PIK3AP1: variants seen among roughly 807,000 people sequenced by gnomAD.
PIK3AP1 encodes phosphoinositide 3-kinase adapter protein 1.
In PIK3AP1, 21 loss-of-function variants were observed where a neutral mutation model predicts 88.1. That is an observed-to-expected ratio of 0.24 (90% CI 0.17 to 0.34). PIK3AP1 has a LOEUF of 0.34. PIK3AP1 is among the 10% of genes least tolerant of loss of function. The pLI, the probability that PIK3AP1 is intolerant of heterozygous loss-of-function variation, is 1.00. For missense variants in PIK3AP1, 828 were observed against 1,035.7 expected, an observed-to-expected ratio of 0.80 and a Z score of 2.75; for synonymous variants, 398 against 400.0, an observed-to-expected ratio of 1.00 and a Z score of 0.06.
At chr10:96,603,708 ACAC>A (rs1222128971) in intron 15 of PIK3AP1, 160 of 217,298 alleles carry the variant, frequency 7.4e-4, no homozygotes, top group East Asian at 5.3e-3. Flanking sequence ...ACACACACAC[ACAC>A]CACATATATA....
chr10:96,632,384 C>A (rs1054080384), intron 8 of PIK3AP1, among the ~76,000 whole-genome samples: 3 of 151,166 alleles, frequency 2.0e-5, no homozygotes, highest in Non-Finnish European at 4.4e-5. Flanking sequence ...TGCAACTTTT[C>A]TCTCTAAAAG....
At chr10:96,705,012 C>T (rs755933868) in intron 2 of PIK3AP1, among the ~76,000 whole-genome samples, 8 of 152,074 alleles carry the variant, frequency 5.3e-5, no homozygotes, top group Non-Finnish European at 1.2e-4. Context: ...TTTAAATGGG[C>T]TTAGTGAATA....
chr10:96,697,827 G>T (rs1464484397), intron 2 of PIK3AP1, among the ~76,000 whole-genome samples: 1 of 152,086 alleles, frequency 6.6e-6, no homozygotes, highest in African/African-American at 2.4e-5. Context: ...CCACCCAAAG[G>T]TAACCACTAT....
At chr10:96,655,035 T>C (rs1361362782) in intron 3 of PIK3AP1, among the ~76,000 whole-genome samples, 1 of 152,154 alleles carries the variant, frequency 6.6e-6, no homozygotes, top group African/African-American at 2.4e-5. Flanking sequence ...GAAACACAGA[T>C]TTTTATGCCT....
At chr10:96,699,582 G>C (rs1288652255) in intron 2 of PIK3AP1, among the ~76,000 whole-genome samples, 1 of 152,174 alleles carries the variant, frequency 6.6e-6, no homozygotes, top group Non-Finnish European at 1.5e-5. Context: ...CATCACAGCA[G>C]TGACTGTCTT....
chr10:96,628,873 CACAT>C (rs1343064720), intron 8 of PIK3AP1, among the ~76,000 whole-genome samples: 2 of 22,554 alleles, frequency 8.9e-5, no homozygotes, highest in Non-Finnish European at 2.0e-4. Context: ...CACATATATA[CACAT>C]ATATATATAT....
intron 1 of PIK3AP1, among the ~76,000 whole-genome samples, chr10:96,715,191 A>G (rs555890500): frequency 1.3e-5 from 2 of 152,318 alleles, no homozygotes; most frequent in South Asian, 4.1e-4. Context: ...CCCTGGTCTA[A>G]TTATGGGAAA....
chr10:96,593,426 C>T lies in PIK3AP1; in HGVS notation c.*2151G>A, dbSNP rs1400748807. Reference sequence around the variant, plus strand: ...GATGTGCATACAAAGATGCTAACAACATTGGCTGGTAATAGGCTTTACCAT... The same window carrying T: ...GATGTGCATACAAAGATGCTAACAATATTGGCTGGTAATAGGCTTTACCAT... On this transcript the variant is annotated 3_prime_UTR_variant, in exon 17 of 17. Coordinates refer to ENST00000339364, the MANE Select transcript of PIK3AP1 (RefSeq NM_152309.3). 2 of 152,214 alleles carry T rather than the reference C, an allele frequency of 1.3e-5. No homozygotes were observed. The highest frequency in any genetic ancestry group is 4.8e-5 in the African/African-American group (2 of 41,450). 9.4% of individuals were successfully genotyped at this position (152,214 alleles called of 1,614,324 possible).
At chr10:96,706,637 A>G (rs1190456850) in intron 2 of PIK3AP1, among the ~76,000 whole-genome samples, 1 of 152,238 alleles carries the variant, frequency 6.6e-6, no homozygotes, top group Non-Finnish European at 1.5e-5. Context: ...AGGAAACTGG[A>G]ACTCAAAGAG....
At chr10:96,719,346 C>T (rs1329204707) in intron 1 of PIK3AP1, among the ~76,000 whole-genome samples, 1 of 152,190 alleles carries the variant, frequency 6.6e-6, no homozygotes, top group South Asian at 2.1e-4. Flanking sequence ...GTGCCTTCTC[C>T]TGGCCACCTA....
intron 8 of PIK3AP1, among the ~76,000 whole-genome samples, chr10:96,634,348 T>C (rs1843285884): frequency 6.6e-6 from 1 of 152,162 alleles, no homozygotes; most frequent in African/African-American, 2.4e-5. Context: ...ACAGACTGCA[T>C]GCAGGGAACA....
Position 96,594,501 on chromosome 10 carries a change from A to G in PIK3AP1, c.*1076T>C, listed in dbSNP as rs1052857462. 6.6e-5 allele frequency: 10 copies of G among 152,304 alleles called. 2 individuals carry two copies. Among genetic ancestry groups the G allele is most frequent in the Middle Eastern group, 3.4e-3 (1 of 294 alleles). The allele number at this position is 152,304 out of a possible 1,614,324, so 9.4% of individuals were successfully genotyped here. On this transcript the variant is annotated 3_prime_UTR_variant, in exon 17 of 17. Transcript: ENST00000339364. The surrounding 1 kb of genome is among the most constrained non-coding windows in gnomAD (Gnocchi z 4.6). ...TTTTTTTTCAAATATTTTTGATCCA[A>G]GGTTGGTTGAATCCACGGACACAGA...
chr10:96,652,960 A>G (rs1843562039), intron 3 of PIK3AP1, 118 bp from the exon 4 acceptor site: 6 of 1,214,036 alleles, frequency 4.9e-6, no homozygotes, highest in African/African-American at 1.5e-5. Flanking sequence ...CTCTGGGGAC[A>G]GGGTGGACTC....
intron 2 of PIK3AP1, among the ~76,000 whole-genome samples, chr10:96,679,541 A>T (rs980546662): frequency 2.0e-5 from 3 of 152,102 alleles, no homozygotes; most frequent in Non-Finnish European, 2.9e-5. Flanking sequence ...AAAAAAAAAA[A>T]TTATTAATAT....
intron 2 of PIK3AP1, among the ~76,000 whole-genome samples, chr10:96,670,506 C>T (rs912016580): frequency 7.9e-5 from 12 of 152,074 alleles, no homozygotes; most frequent in African/African-American, 2.9e-4. Context: ...GCTGGGAGGA[C>T]TTTTCTGGCA....
intron 8 of PIK3AP1, among the ~76,000 whole-genome samples, chr10:96,641,924 C>G (rs1843394482): frequency 6.6e-6 from 1 of 152,138 alleles, no homozygotes; most frequent in South Asian, 2.1e-4. Context: ...TGTCCTTTAT[C>G]CTACTTCTTT....
chr10:96,706,664 AG>A (rs1175301616), intron 2 of PIK3AP1, among the ~76,000 whole-genome samples: 2 of 152,246 alleles, frequency 1.3e-5, no homozygotes, highest in African/African-American at 4.8e-5. Context: ...TGACTTGCTC[AG>A]TACTAGGCAT....
chr10:96,640,287 G>T (rs1843366665), intron 8 of PIK3AP1, among the ~76,000 whole-genome samples: 1 of 152,114 alleles, frequency 6.6e-6, no homozygotes, highest in African/African-American at 2.4e-5. Flanking sequence ...GAAAAATGAG[G>T]CTCTCGGGTA....
intron 10 of PIK3AP1, 122 bp downstream of exon 10, chr10:96,626,586 G>T (rs1843156298): frequency 4.7e-6 from 5 of 1,060,108 alleles, no homozygotes; most frequent in Non-Finnish European, 6.8e-6. Flanking sequence ...TCGTAGGGCT[G>T]GTTGAAGACC....
Sources: allele counts gnomAD v4.1 joint callset (sites outside exome capture counted in the v4.1 genomes callset), GRCh38; gene constraint gnomAD v4.1.1; non-coding constraint Gnocchi (gnomAD v3.1); transcripts MANE v1.5; gene names NCBI Gene and HGNC (gene_info 2026-07-23, HGNC 2026-07-21).